EMP1: variants seen among roughly 807,000 people sequenced by gnomAD.
The protein encoded by EMP1 is tumor-associated membrane protein.
A neutral mutation model predicts 15.7 loss-of-function variants in EMP1; 5 were observed. That is an observed-to-expected ratio of 0.32 (90% CI 0.17 to 0.67). The LOEUF is 0.67. Among genes scored for constraint, EMP1 ranks in the 30% least tolerant of loss-of-function variants. EMP1 has a pLI of 0.74. For synonymous variants in EMP1, 78 were observed against 76.7 expected (o/e 1.02, Z -0.09); for missense variants, 166 against 194.2 (o/e 0.85, Z 0.86).
intron 4 of EMP1, chr12:13,214,072 T>G (rs1449539514): frequency 3.0e-6 from 2 of 667,398 alleles, no homozygotes; most frequent in Non-Finnish European, 5.4e-6. Flanking sequence ...TAGTAGCACG[T>G]GTGTACAAGA....
Position 13,214,940 on chromosome 12 carries a change from A to T in EMP1, c.*249A>T. On this transcript the variant is annotated 3_prime_UTR_variant, in exon 5 of 5. Coordinates refer to ENST00000256951, the MANE Select transcript of EMP1 (RefSeq NM_001423.3). ...GGGTCCAGAGAGCCTCCCTGCAGCC[A>T]CCAGACTTGGCCTCCAGCTGTTCTT... The T allele has an allele frequency of 2.3e-6, 1 of 426,682 alleles. No homozygotes were observed. The highest frequency in any genetic ancestry group is 4.4e-6 in the Non-Finnish European group (1 of 228,792). 26.4% of individuals were successfully genotyped at this position (426,682 alleles called of 1,614,324 possible).
At chr12:13,200,445 A>G (rs1864054828) in intron 1 of EMP1, among the ~76,000 whole-genome samples, 1 of 152,242 alleles carries the variant, frequency 6.6e-6, no homozygotes, top group East Asian at 1.9e-4. Flanking sequence ...TAACCAGCGT[A>G]GAACGGGAAT....
chr12:13,213,910 G>A, intron 4 of EMP1, 89 bp downstream of exon 4: 1 of 1,569,118 alleles, frequency 6.4e-7, no homozygotes, highest in Non-Finnish European at 8.7e-7. Flanking sequence ...TTAGCACATG[G>A]TTCAGTGAAA....
At chr12:13,201,439 C>G (rs1313221904) in intron 1 of EMP1, among the ~76,000 whole-genome samples, 1 of 152,004 alleles carries the variant, frequency 6.6e-6, no homozygotes, top group Non-Finnish European at 1.5e-5. Context: ...AACCAACAAA[C>G]AAAAACACCA....
In EMP1 at chr12:13,216,482, T is replaced by C. The variant is rs1269313174; in HGVS notation, c.*1791T>C. The C allele has an allele frequency of 4.3e-6, 3 of 702,080 alleles. No individual in the cohort carries two copies. Among genetic ancestry groups the C allele is most frequent in the South Asian group, 3.0e-5 (2 of 67,356 alleles). The allele number at this position is 702,080 out of a possible 1,614,324, so 43.5% of individuals were successfully genotyped here. On this transcript the variant is annotated 3_prime_UTR_variant, in exon 5 of 5. Transcript: ENST00000256951. ...TTATGATTTCATTATCACATGATTA[T>C]AGAAGGCTGTCTTAGTGCAAAAAAC...
chr12:13,214,080 A>C (rs1864191915), intron 4 of EMP1: 2 of 641,242 alleles, frequency 3.1e-6, no homozygotes, highest in Non-Finnish European at 5.6e-6. Flanking sequence ...CGTGTGTACA[A>C]GACACTTCAA....
chr12:13,203,867 T>C (rs1462351704), intron 1 of EMP1, among the ~76,000 whole-genome samples: 1 of 152,192 alleles, frequency 6.6e-6, no homozygotes, highest in Non-Finnish European at 1.5e-5. Context: ...AAGAATCTGG[T>C]TCTCCAATAG....
chr12:13,213,879 G>A (rs753796132), intron 4 of EMP1, 58 bp downstream of exon 4: 28 of 1,604,680 alleles, frequency 1.7e-5, no homozygotes, highest in Non-Finnish European at 2.2e-5. Flanking sequence ...TACCATGGGT[G>A]TTTCTGGCAA....
rs147272464 is a variant in EMP1 at position 13,214,970 on chromosome 12, A to G, written c.*279A>G. 2.2e-4 allele frequency: 85 copies of G among 386,692 alleles called. No homozygotes were observed. In the East Asian group the frequency reaches 4.8e-3, roughly 22 times the overall value. The allele number at this position is 386,692 out of a possible 1,614,324, so 24.0% of individuals were successfully genotyped here. A position where few individuals can be genotyped will look rare whatever the true frequency, so the allele number is the denominator to read the frequency against. On this transcript the variant is annotated 3_prime_UTR_variant, in exon 5 of 5. Coordinates refer to ENST00000256951, the MANE Select transcript of EMP1 (RefSeq NM_001423.3). ...ACTTGGCCTCCAGCTGTTCTTAGTG[A>G]CACACACTGTCTGGGGCCCCATCAG...
chr12:13,197,678 GAC>G (rs1454970009), intron 1 of EMP1, among the ~76,000 whole-genome samples: 1 of 152,154 alleles, frequency 6.6e-6, no homozygotes, highest in Non-Finnish European at 1.5e-5. Context: ...GGTAGGCTGA[GAC>G]GGGAGAATTG....
Position 13,211,666 on chromosome 12 carries a change from A to G in EMP1, c.78+78A>G, listed in dbSNP as rs1196541475. The G allele has an allele frequency of 2.0e-6, 3 of 1,530,164 alleles. No individual in the cohort carries two copies. In the African/African-American group the frequency reaches 4.1e-5, roughly 21 times the overall value. 94.8% of individuals were successfully genotyped at this position (1,530,164 alleles called of 1,614,324 possible). On this transcript the variant is annotated intron_variant, in intron 2 of 4. Coordinates refer to ENST00000256951, the MANE Select transcript of EMP1 (RefSeq NM_001423.3). This position sits in a 1 kb window ranked among gnomAD's most constrained non-coding sequence, Gnocchi z 4.7. ...ACATCAAGTGCACAAAAGAAGTTTA[A>G]GCCACAGCCCTTGCCCTTCATGAAC...
At chr12:13,202,815 G>C (rs1262442941) in intron 1 of EMP1, among the ~76,000 whole-genome samples, 1 of 152,038 alleles carries the variant, frequency 6.6e-6, no homozygotes, top group Non-Finnish European at 1.5e-5. Context: ...GAGGGTAGGA[G>C]GAAAAGAGAG....
Position 13,214,695 on chromosome 12 carries a change from C to G in EMP1, c.*4C>G. On this transcript the variant is annotated 3_prime_UTR_variant, in exon 5 of 5. Coordinates refer to ENST00000256951, the MANE Select transcript of EMP1 (RefSeq NM_001423.3). The stretch of plus-strand genomic sequence containing the variant: ...TCTGGTCCTGAGAAAGAAATAAGGC[C>G]GGACGAGTTCATGGGGATCTGGGGG... The G allele has an allele frequency of 6.2e-7, 1 of 1,600,182 alleles. No individual in the cohort carries two copies. Among genetic ancestry groups the G allele is most frequent in the Non-Finnish European group, 8.5e-7 (1 of 1,172,738 alleles).
chr12:13,208,932 A>T (rs181223998), intron 1 of EMP1, among the ~76,000 whole-genome samples: 1 of 152,180 alleles, frequency 6.6e-6, no homozygotes, highest in Admixed American at 6.5e-5. Flanking sequence ...TGAGACAGAG[A>T]GTGTGAGCTG....
intron 1 of EMP1, among the ~76,000 whole-genome samples, chr12:13,206,655 A>G (rs1190980400): frequency 6.6e-6 from 1 of 152,240 alleles, no homozygotes; most frequent in Non-Finnish European, 1.5e-5. Flanking sequence ...CAGTGAACAC[A>G]CAGACTTCTG....
rs1453767157 is a variant in EMP1, at chr12:13,213,696, T to TG, written c.192dup (p.Gln65AlafsTer54). The stretch of plus-strand genomic sequence containing the variant: ...GTGTCTACAGATGCCCTCAAGACAG[T>TG]GCAGGCCTTCATGATTCTCTCTATC... On this transcript the variant is annotated frameshift_variant, in exon 4 of 5. Transcript: ENST00000256951. LOFTEE classifies it high-confidence loss of function. 2 of 1,614,216 alleles carry TG rather than the reference T, an allele frequency of 1.2e-6. No homozygotes were observed. The highest frequency in any genetic ancestry group is 2.2e-5 in the South Asian group (2 of 91,074).
Position 13,218,185 on chromosome 12 carries a change from G to A in EMP1, c.*3494G>A, listed in dbSNP as rs1331845827. 2 of 152,148 alleles carry A rather than the reference G, an allele frequency of 1.3e-5. No individual in the cohort carries two copies. Among genetic ancestry groups the A allele is most frequent in the East Asian group, 3.8e-4 (2 of 5,196 alleles). 9.4% of individuals were successfully genotyped at this position (152,148 alleles called of 1,614,324 possible). A position where few individuals can be genotyped will look rare whatever the true frequency, so the allele number is the denominator to read the frequency against. ...AGTTATCAAATGGTTAATAGATAAA[G>A]ATCCCACTCTGCCTTGGATTTAGCC... is the stretch of plus-strand genomic sequence containing the variant. On this transcript the variant is annotated 3_prime_UTR_variant, in exon 5 of 5. Transcript: ENST00000256951.
In EMP1 at chr12:13,209,863, A is replaced by C. The variant is rs532272659; in HGVS notation, c.-42-1606A>C. Reference sequence around the variant, plus strand: ...GGGGGATTACTAATAGCAGACATGAAAGCTCCAACCTCTCCCCTGAAGAGG... The same window carrying C: ...GGGGGATTACTAATAGCAGACATGACAGCTCCAACCTCTCCCCTGAAGAGG... On this transcript the variant is annotated intron_variant, in intron 1 of 4. Coordinates refer to ENST00000256951, the MANE Select transcript of EMP1 (RefSeq NM_001423.3). Among the ~76,000 whole-genome samples, 60 of 152,300 alleles carry C rather than the reference A, an allele frequency of 3.9e-4. 1 individual carries two copies. Among genetic ancestry groups the C allele is most frequent in the African/African-American group, 1.4e-3 (60 of 41,560 alleles).
chr12:13,219,400 C>T lies in EMP1; in HGVS notation c.*4709C>T, dbSNP rs1183832203. ...ATCACTGTCAGCATTTTGGTTAAAA[C>T]CATTCAACAAGTCTCCAGGAAGCTC... On this transcript the variant is annotated 3_prime_UTR_variant, in exon 5 of 5. Transcript: ENST00000256951. The T allele has an allele frequency of 6.6e-6, 1 of 152,218 alleles. No individual in the cohort carries two copies. The highest frequency in any genetic ancestry group is 1.5e-5 in the Non-Finnish European group (1 of 68,052). The allele number at this position is 152,218 out of a possible 1,614,324, so 9.4% of individuals were successfully genotyped here. A position where few individuals can be genotyped will look rare whatever the true frequency, so the allele number is the denominator to read the frequency against.
Sources: allele counts gnomAD v4.1 joint callset (sites outside exome capture counted in the v4.1 genomes callset), GRCh38; gene constraint gnomAD v4.1.1; non-coding constraint Gnocchi (gnomAD v3.1); transcripts MANE v1.5; gene names NCBI Gene and HGNC (gene_info 2026-07-23, HGNC 2026-07-21).